Variants in GAP43 observed in about 807,000 individuals in gnomAD.
The protein encoded by GAP43 is growth associated protein 43.
GAP43 carries 6 observed loss-of-function variants against 18.6 expected under a neutral mutation model. That is an observed-to-expected ratio of 0.32 (90% CI 0.18 to 0.64). GAP43 has a LOEUF of 0.64. Ranked by LOEUF, GAP43 falls within the 30% of genes least tolerant of loss-of-function variation. The pLI is 0.78. For missense variants in GAP43, 292 were observed against 295.5 expected, an observed-to-expected ratio of 0.99 and a Z score of 0.09; for synonymous variants, 115 against 111.4, an observed-to-expected ratio of 1.03 and a Z score of -0.20.
chr3:115,639,241 A>G (rs1708367864), intron 1 of GAP43, among the ~76,000 whole-genome samples: 2 of 152,102 alleles, frequency 1.3e-5, no homozygotes, highest in African/African-American at 4.8e-5. Context: ...CTTGGATTTC[A>G]CCCAAGTGAT....
intron 1 of GAP43, among the ~76,000 whole-genome samples, chr3:115,667,221 G>A (rs1708745262): frequency 6.6e-6 from 1 of 152,146 alleles, no homozygotes; most frequent in African/African-American, 2.4e-5. Context: ...TTCTCAGATT[G>A]TTTATAGCCC....
intron 1 of GAP43, among the ~76,000 whole-genome samples, chr3:115,637,703 C>T (rs975420250): frequency 6.6e-6 from 1 of 151,920 alleles, no homozygotes; most frequent in Non-Finnish European, 1.5e-5. Context: ...AACCTACTTC[C>T]TTGGCTCTAG....
intron 1 of GAP43, chr3:115,664,033 A>G (rs1374689087): frequency 1.0e-6 from 1 of 960,902 alleles, no homozygotes; most frequent in Non-Finnish European, 1.5e-6. Context: ...ATGTCCTTCT[A>G]CTTAGTCTTT....
intron 1 of GAP43, among the ~76,000 whole-genome samples, chr3:115,625,855 T>A: frequency 6.6e-6 from 1 of 152,226 alleles, no homozygotes; most frequent in East Asian, 1.9e-4. Flanking sequence ...TACAGTTGCA[T>A]GTGTAAGTGG....
At chr3:115,708,170 G>T (rs1399546406) in intron 2 of GAP43, among the ~76,000 whole-genome samples, 1 of 152,170 alleles carries the variant, frequency 6.6e-6, no homozygotes, top group Admixed American at 6.5e-5. Flanking sequence ...TTTCTTTTGA[G>T]AAGTTAGTCC....
In GAP43 at chr3:115,676,269, C is replaced by T; in HGVS notation, c.287C>T (p.Ser96Phe). 6.2e-7 allele frequency: 1 copy of T among 1,614,110 alleles called. No individual in the cohort carries two copies. Among genetic ancestry groups the T allele is most frequent in the Non-Finnish European group, 8.5e-7 (1 of 1,180,016 alleles). ...TTAEAAPATG[S>F]KPDEPGKAGE... Reference sequence around the variant, plus strand: ...GCCGAAGCAGCCCCAGCCACTGGCTCCAAGCCTGATGAGCCCGGCAAAGCA... The same window carrying T: ...GCCGAAGCAGCCCCAGCCACTGGCTTCAAGCCTGATGAGCCCGGCAAAGCA... The change falls in exon 2 of 3, where the codon TCC becomes TTC. Residue 96 changes from serine (S) to phenylalanine (F), a missense_variant. Ser to Phe is a radical substitution (Grantham distance 155). Transcript: ENST00000305124.
chr3:115,698,970 A>C (rs1709260180), intron 2 of GAP43, among the ~76,000 whole-genome samples: 1 of 152,152 alleles, frequency 6.6e-6, no homozygotes, highest in Non-Finnish European at 1.5e-5. Flanking sequence ...AGGACACCTA[A>C]GGCATAAAGG....
At chr3:115,679,413 T>A (rs1042264884) in intron 2 of GAP43, among the ~76,000 whole-genome samples, 4 of 152,206 alleles carry the variant, frequency 2.6e-5, no homozygotes, top group African/African-American at 9.6e-5. Context: ...TTGGTTATTG[T>A]CATTGTTTTA....
chr3:115,690,286 T>C (rs1709092704), intron 2 of GAP43, among the ~76,000 whole-genome samples: 1 of 129,588 alleles, frequency 7.7e-6, no homozygotes, highest in Non-Finnish European at 1.6e-5. Context: ...CAGCGCTGCC[T>C]CAACAAACCA....
intron 1 of GAP43, among the ~76,000 whole-genome samples, chr3:115,650,893 C>T (rs191818783): frequency 1.4e-3 from 216 of 152,110 alleles, no homozygotes; most frequent in African/African-American, 4.8e-3. Flanking sequence ...CTTTGGAAGG[C>T]CAAGGTGGGA....
chr3:115,690,215 G>GC (rs1709090758), intron 2 of GAP43, among the ~76,000 whole-genome samples: 1 of 148,874 alleles, frequency 6.7e-6, no homozygotes, highest in African/African-American at 2.5e-5. Flanking sequence ...CCCTAGGAGA[G>GC]ACCCCCCCGC....
intron 1 of GAP43, among the ~76,000 whole-genome samples, chr3:115,673,929 T>G (rs1464941233): frequency 6.6e-6 from 1 of 152,258 alleles, no homozygotes; most frequent in African/African-American, 2.4e-5. Flanking sequence ...CTGCTTTTAC[T>G]TGTACATGTA....
At chr3:115,688,813 G>A (rs1235629361) in intron 2 of GAP43, among the ~76,000 whole-genome samples, 1 of 152,134 alleles carries the variant, frequency 6.6e-6, no homozygotes. Flanking sequence ...CTCATACAAA[G>A]CTATGAATTT....
At chr3:115,703,561 C>A (rs889877788) in intron 2 of GAP43, among the ~76,000 whole-genome samples, 1 of 152,054 alleles carries the variant, frequency 6.6e-6, no homozygotes, top group African/African-American at 2.4e-5. Context: ...TCCACAGCCT[C>A]TTTCTACTCT....
At chr3:115,692,671 G>A (rs576676195) in intron 2 of GAP43, among the ~76,000 whole-genome samples, 1 of 152,292 alleles carries the variant, frequency 6.6e-6, no homozygotes, top group South Asian at 2.1e-4. Context: ...GGTAGGGTAT[G>A]TTGGACCTTG....
intron 2 of GAP43, among the ~76,000 whole-genome samples, chr3:115,716,055 T>C: frequency 6.6e-6 from 1 of 152,208 alleles, no homozygotes; most frequent in African/African-American, 2.4e-5. Context: ...TCTGAGCACA[T>C]AGTAAGAGCT....
chr3:115,695,609 ACATT>A (rs1709176994), intron 2 of GAP43, among the ~76,000 whole-genome samples: 2 of 152,192 alleles, frequency 1.3e-5, no homozygotes, highest in Admixed American at 6.5e-5. Flanking sequence ...TTTGGGAAAC[ACATT>A]CAAAGTCAGG....
chr3:115,643,724 G>C (rs1431304051), intron 1 of GAP43, among the ~76,000 whole-genome samples: 1 of 151,692 alleles, frequency 6.6e-6, no homozygotes, highest in Non-Finnish European at 1.5e-5. Context: ...GTCCCCTTTT[G>C]TTCTCTTTCA....
Position 115,623,592 on chromosome 3 carries a change from G to C in GAP43, c.-98G>C, listed in dbSNP as rs1305200133. 5.3e-6 allele frequency: 8 copies of C among 1,500,380 alleles called. No homozygotes were observed. The South Asian group carries it at 5.7e-5, about 11-fold the overall frequency. 92.9% of individuals were successfully genotyped at this position (1,500,380 alleles called of 1,614,324 possible). A position where few individuals can be genotyped will look rare whatever the true frequency, so the allele number is the denominator to read the frequency against. On this transcript the variant is annotated 5_prime_UTR_variant, in exon 1 of 3. Transcript: ENST00000305124. ...AGAGCGCGCTAGCGCGAGAGAGCGA[G>C]TGAGCAAGCGAGCAGAAAAGAGGTG...
Sources: allele counts gnomAD v4.1 joint callset (sites outside exome capture counted in the v4.1 genomes callset), GRCh38; gene constraint gnomAD v4.1.1; transcripts MANE v1.5; gene names NCBI Gene and HGNC (gene_info 2026-07-23, HGNC 2026-07-21).